SLC14A2: variants seen among roughly 807,000 people sequenced by gnomAD.
SLC14A2 encodes urea transporter 2.
Under a neutral mutation model 104.6 loss-of-function variants are expected in SLC14A2, and 91 were observed. The observed-to-expected ratio is 0.87, with a 90% CI of 0.73 to 1.04. The LOEUF (loss-of-function observed/expected upper bound fraction) is 1.04, where lower values mean the gene tolerates loss of function less well. SLC14A2 is among the 50% of genes least tolerant of loss of function. SLC14A2 has a pLI of 0.00. For missense variants in SLC14A2, 1,189 were observed against 1,156.0 expected (o/e 1.03, Z -0.41); for synonymous variants, 476 against 466.4 (o/e 1.02, Z -0.27).
chr18:45,554,359 C>T (rs918074821), intron 2 of SLC14A2, among the ~76,000 whole-genome samples: 2 of 152,198 alleles, frequency 1.3e-5, no homozygotes, highest in Admixed American at 6.5e-5. Context: ...ACTCTGTTGA[C>T]CTTTCAGGCA....
chr18:45,214,906 C>A (rs1190886238), intron 1 of SLC14A2, among the ~76,000 whole-genome samples: 1 of 114,576 alleles, frequency 8.7e-6, no homozygotes, highest in Non-Finnish European at 1.7e-5. Context: ...TCTATCGGAC[C>A]ATGTCTTTAA....
At chr18:45,335,216 C>G (rs572193349) in intron 1 of SLC14A2, among the ~76,000 whole-genome samples, 12 of 152,130 alleles carry the variant, frequency 7.9e-5, no homozygotes, top group Non-Finnish European at 1.2e-4. Flanking sequence ...CTCTGATCAG[C>G]TTTTTGTCAC....
At chr18:45,646,894 C>T (rs140942618) in intron 10 of SLC14A2, 2 of 152,308 alleles carry the variant, frequency 1.3e-5, no homozygotes, top group East Asian at 3.9e-4. Flanking sequence ...GTTTTTCTAC[C>T]ATCACCCCAA....
chr18:45,575,353 A>C (rs2044404850), intron 2 of SLC14A2, among the ~76,000 whole-genome samples: 1 of 152,154 alleles, frequency 6.6e-6, no homozygotes, highest in African/African-American at 2.4e-5. Context: ...AAGGGTCACT[A>C]AATCAAAGCT....
chr18:45,373,236 C>T (rs1411597694), intron 1 of SLC14A2, among the ~76,000 whole-genome samples: 1 of 152,202 alleles, frequency 6.6e-6, no homozygotes, highest in East Asian at 1.9e-4. Flanking sequence ...TTCTCCTTCT[C>T]TCTTAGTAGG....
At chr18:45,576,319 T>C (rs1420989769) in intron 2 of SLC14A2, among the ~76,000 whole-genome samples, 1 of 134,144 alleles carries the variant, frequency 7.5e-6, no homozygotes, top group Non-Finnish European at 1.6e-5. Flanking sequence ...TCACTCACTC[T>C]GTCGCCCAGG....
At chr18:45,184,659 G>T in the SLC14A2 span, among the ~76,000 whole-genome samples, 11 of 151,956 alleles carry the variant, frequency 7.2e-5, no homozygotes, top group Non-Finnish European at 1.5e-5. Flanking sequence ...AAAAGTAAAG[G>T]AAAAAAATCA....
chr18:45,424,265 A>G (rs1325930667), intron 1 of SLC14A2: 1 of 152,260 alleles, frequency 6.6e-6, no homozygotes, highest in African/African-American at 2.4e-5. Context: ...TTTGCCATCA[A>G]ATAGCTACAT....
chr18:45,533,586 T>C (rs2043734891), intron 2 of SLC14A2, among the ~76,000 whole-genome samples: 1 of 152,234 alleles, frequency 6.6e-6, no homozygotes, highest in Non-Finnish European at 1.5e-5. Flanking sequence ...GATTCTTCTC[T>C]CTTTTCTTCT....
chr18:45,338,275 A>G (rs1267757104), intron 1 of SLC14A2, among the ~76,000 whole-genome samples: 1 of 151,986 alleles, frequency 6.6e-6, no homozygotes, highest in Non-Finnish European at 1.5e-5. Context: ...ATCTTGGCTC[A>G]CTGCAAGCTC....
intron 1 of SLC14A2, among the ~76,000 whole-genome samples, chr18:45,364,021 T>G (rs2144334518): frequency 6.6e-6 from 1 of 152,288 alleles, no homozygotes; most frequent in East Asian, 1.9e-4. Context: ...ACCTAATAAC[T>G]GTACCCATCC....
intron 2 of SLC14A2, among the ~76,000 whole-genome samples, chr18:45,497,390 G>A (rs998427102): frequency 2.0e-5 from 3 of 152,196 alleles, no homozygotes; most frequent in African/African-American, 7.2e-5. Context: ...CTTATCCTGT[G>A]TGGGGGTCAT....
Position 45,472,090 on chromosome 18 carries a change from G to A in SLC14A2, c.-124-11143G>A, listed in dbSNP as rs150402206. ...CCCCTCCCTGTGTCCATGTGTTCTCGTTGTTCAACTCCCCCTTATGAGTGA... is the reference window on the plus strand; with the variant it reads ...CCCCTCCCTGTGTCCATGTGTTCTCATTGTTCAACTCCCCCTTATGAGTGA... On this transcript the variant is annotated intron_variant, in intron 1 of 20. Coordinates refer to the SLC14A2 transcript ENST00000586448. Among the ~76,000 whole-genome samples, 73 of 151,960 alleles carry A rather than the reference G, an allele frequency of 4.8e-4. No individual in the cohort carries two copies. In the East Asian group the frequency reaches 0.013, roughly 26 times the overall value.
In SLC14A2 at chr18:45,475,660, T is replaced by TTTAGG. The variant is rs376138908; in HGVS notation, c.-124-7573_-124-7572insTTAGG. On this transcript the variant is annotated intron_variant, in intron 1 of 20. Transcript: ENST00000586448. ...TATTTAGGATATATATATATATATA[T>TTTAGG]ATATATATATATATATATATATATA... 9.6e-3 allele frequency among the ~76,000 whole-genome samples: 1,065 copies of TTTAGG among 110,954 alleles called. 6 individuals carry two copies. Among genetic ancestry groups the TTTAGG allele is most frequent in the South Asian group, 0.015 (48 of 3,128 alleles). 72.8% of individuals were successfully genotyped at this position (110,954 alleles called of 152,430 possible).
chr18:45,174,783 A>G, the SLC14A2 span, among the ~76,000 whole-genome samples: 3 of 152,158 alleles, frequency 2.0e-5, no homozygotes, highest in African/African-American at 7.2e-5. Flanking sequence ...TATGTGAGAA[A>G]AGGAACAACC....
At chr18:45,602,709 C>T (rs2044810152) in intron 2 of SLC14A2, among the ~76,000 whole-genome samples, 1 of 152,192 alleles carries the variant, frequency 6.6e-6, no homozygotes, top group South Asian at 2.1e-4. Flanking sequence ...AAGAATTCTC[C>T]TCTTTTTGTA....
chr18:45,523,390 C>G (rs892629267), intron 2 of SLC14A2, among the ~76,000 whole-genome samples: 2 of 151,554 alleles, frequency 1.3e-5, no homozygotes, highest in Non-Finnish European at 2.9e-5. Context: ...AGTGCAGTGG[C>G]GCAATCTCGG....
intron 1 of SLC14A2, among the ~76,000 whole-genome samples, chr18:45,376,211 C>T (rs139901789): frequency 2.0e-5 from 3 of 152,280 alleles, no homozygotes; most frequent in Admixed American, 6.5e-5. Flanking sequence ...AGTTTGTGCA[C>T]GCCGCCACTT....
rs1366258633 is a variant in SLC14A2, at chr18:45,639,859, T to A, written c.957T>A (p.His319Gln). 3 of 1,613,840 alleles carry A rather than the reference T, an allele frequency of 1.9e-6. No individual in the cohort carries two copies. The highest frequency in any genetic ancestry group is 1.6e-4 in the Middle Eastern group (1 of 6,062). The part of the protein sequence containing the change: ...LFISSPLICL[H>Q]AAIGSIVGLL... ...TCTCCTCGCCACTCATCTGCTTGCA[T>A]GCAGCCATTGGCTCAATCGTGGGGC... The change falls in exon 7 of 20, where the codon CAT (histidine) becomes CAA (glutamine). Residue 319 changes from histidine to glutamine, a missense_variant. Physicochemically the swap from His to Gln is conservative, Grantham distance 24. Coordinates refer to ENST00000255226, the MANE Select transcript of SLC14A2 (RefSeq NM_007163.4).
Sources: gnomAD v4.1 joint callset for allele counts (sites outside exome capture counted in the v4.1 genomes callset) on GRCh38, gnomAD v4.1.1 for gene constraint, MANE v1.5 for transcripts, NCBI Gene and HGNC (gene_info 2026-07-23, HGNC 2026-07-21) for gene names.